The following ST6GAL2 variants were observed in gnomAD, a reference collection of about 807,000 sequenced individuals.
The protein encoded by ST6GAL2 is ST6 beta-galactoside alpha-2,6-sialyltransferase 2.
A neutral mutation model predicts 37.5 loss-of-function variants in ST6GAL2; 24 were observed. The ratio of observed to expected loss-of-function variants is 0.64; its 90% CI spans 0.46 to 0.90. The LOEUF is 0.90. ST6GAL2 is among the 40% of genes least tolerant of loss of function. The pLI, the probability that ST6GAL2 is intolerant of heterozygous loss-of-function variation, is 0.00. For synonymous variants in ST6GAL2, 306 were observed against 295.1 expected (o/e 1.04, Z -0.38); for missense variants, 715 against 712.7 (o/e 1.00, Z -0.04).
intron 1 of ST6GAL2, among the ~76,000 whole-genome samples, chr2:106,856,926 T>G (rs769359008): frequency 6.6e-6 from 1 of 152,200 alleles, no homozygotes; most frequent in African/African-American, 2.4e-5. Context: ...CACAGGAATC[T>G]GGGTCAATTT....
In ST6GAL2 at chr2:106,803,321, C is replaced by G. The variant is rs1456316835; in HGVS notation, c.*3357G>C. 6.6e-6 allele frequency: 1 copy of G among 152,112 alleles called. No individual in the cohort carries two copies. Among genetic ancestry groups the G allele is most frequent in the East Asian group, 1.9e-4 (1 of 5,178 alleles). The allele number at this position is 152,112 out of a possible 1,614,324, so 9.4% of individuals were successfully genotyped here. Reference sequence around the variant, plus strand: ...CTGCCTTCAGGCAGACAAGGAAAGACCTGGTCGTTCAAAGATGTATAAAAG... The same window carrying G: ...CTGCCTTCAGGCAGACAAGGAAAGAGCTGGTCGTTCAAAGATGTATAAAAG... On this transcript the variant is annotated 3_prime_UTR_variant, in exon 6 of 6. Coordinates refer to ENST00000409382, the MANE Select transcript of ST6GAL2 (RefSeq NM_001142351.2).
Position 106,830,030 on chromosome 2 carries a change from C to G in ST6GAL2, c.1318+36G>C, listed in dbSNP as rs764548460. On this transcript the variant is annotated intron_variant, in intron 5 of 5. Transcript: ENST00000409382. ...TAAATATTAGATATCATCCTGTCTGCCCCCCAATCATTCCAATTTTTAACA... is the reference window on the plus strand; with the variant it reads ...TAAATATTAGATATCATCCTGTCTGGCCCCCAATCATTCCAATTTTTAACA... 1.9e-6 allele frequency: 3 copies of G among 1,583,088 alleles called. No individual in the cohort carries two copies. The East Asian group carries it at 6.7e-5, about 35-fold the overall frequency.
chr2:106,810,040 A>G (rs1192708294), intron 5 of ST6GAL2, among the ~76,000 whole-genome samples: 1 of 152,176 alleles, frequency 6.6e-6, no homozygotes, highest in Middle Eastern at 3.2e-3. Flanking sequence ...CAGCTGATCT[A>G]GATTTGAACT....
At chr2:106,807,190 T>C (rs1434090667) in intron 5 of ST6GAL2, among the ~76,000 whole-genome samples, 1 of 152,152 alleles carries the variant, frequency 6.6e-6, no homozygotes, top group Non-Finnish European at 1.5e-5. Context: ...ATTTAATTTA[T>C]CACTGTGGGC....
intron 1 of ST6GAL2, among the ~76,000 whole-genome samples, chr2:106,864,320 C>T (rs1174293058): frequency 1.3e-5 from 2 of 152,218 alleles, no homozygotes; most frequent in African/African-American, 4.8e-5. Context: ...CCTTGGTCTT[C>T]TCCCCTGTTC....
intron 4 of ST6GAL2, among the ~76,000 whole-genome samples, chr2:106,830,876 T>C (rs12612362): frequency 0.15 from 22,366 of 152,126 alleles, 2,297 homozygotes; most frequent in East Asian, 0.49. Flanking sequence ...ATTGTGGTGG[T>C]AGATACATGA....
At chr2:106,874,487 G>T (rs947246635) in intron 1 of ST6GAL2, among the ~76,000 whole-genome samples, 1 of 152,108 alleles carries the variant, frequency 6.6e-6, no homozygotes, top group African/African-American at 2.4e-5. Flanking sequence ...AATGGACGAC[G>T]ACTGGGGAAT....
At chr2:106,865,545 A>C (rs12105012) in intron 1 of ST6GAL2, among the ~76,000 whole-genome samples, 9,052 of 152,296 alleles carry the variant, frequency 0.059, 859 homozygotes, top group African/African-American at 0.2. Flanking sequence ...TAACAGTAAC[A>C]GGTAGTAAGC....
At chr2:106,820,563 G>A (rs1323173461) in intron 5 of ST6GAL2, among the ~76,000 whole-genome samples, 1 of 151,954 alleles carries the variant, frequency 6.6e-6, no homozygotes, top group Non-Finnish European at 1.5e-5. Context: ...TTTCAGCATT[G>A]GACAGGTCAT....
At chr2:106,827,356 A>G (rs1407971871) in intron 5 of ST6GAL2, among the ~76,000 whole-genome samples, 1 of 152,158 alleles carries the variant, frequency 6.6e-6, no homozygotes, top group African/African-American at 2.4e-5. Context: ...GGCAAAGACT[A>G]CTGCAGTCTC....
intron 1 of ST6GAL2, among the ~76,000 whole-genome samples, chr2:106,855,164 A>C (rs1322170808): frequency 6.6e-6 from 1 of 152,220 alleles, no homozygotes; most frequent in Admixed American, 6.5e-5. Context: ...TAAATGCTTG[A>C]GTAACAAGCA....
At chr2:106,876,162 TC>T (rs1427537255) in intron 1 of ST6GAL2, among the ~76,000 whole-genome samples, 1 of 147,948 alleles carries the variant, frequency 6.8e-6, no homozygotes, top group Non-Finnish European at 1.5e-5. Flanking sequence ...GTGTTTTTTT[TC>T]ATATAAATAT....
rs1676468959 is a variant in ST6GAL2 at position 106,832,643 on chromosome 2, G to C, written c.1065C>G (p.His355Gln). The C allele has an allele frequency of 6.2e-7, 1 of 1,612,284 alleles. No homozygotes were observed. Among genetic ancestry groups the C allele is most frequent in the African/African-American group, 1.3e-5 (1 of 74,860 alleles). ...CTTTATACAGTGAACTGTCAATGAA[G>C]TGATGGCTGGGGTTGGTCAGAATCT... Reference protein sequence around the residue: ...NSQILTNPSHHFIDSSLYKDV... With the variant: ...NSQILTNPSHQFIDSSLYKDV... The change falls in exon 4 of 6, where the codon CAC becomes CAG. Residue 355 changes from histidine to glutamine, a missense_variant. This residue lies in a region of ST6GAL2 where 512 missense variants were observed against 488.8 expected (regional missense o/e 1.05). Transcript: ENST00000409382.
intron 1 of ST6GAL2, among the ~76,000 whole-genome samples, chr2:106,847,974 C>T (rs1677207994): frequency 6.6e-6 from 1 of 151,956 alleles, no homozygotes; most frequent in Admixed American, 6.6e-5. Flanking sequence ...TCCAGTGCCA[C>T]TCTTCTCCCT....
intron 1 of ST6GAL2, among the ~76,000 whole-genome samples, chr2:106,858,855 G>A (rs1677687021): frequency 6.6e-6 from 1 of 152,164 alleles, no homozygotes. Context: ...TGGAAGCACT[G>A]TGATGAATGT....
intron 5 of ST6GAL2, among the ~76,000 whole-genome samples, chr2:106,816,126 A>T (rs1675793168): frequency 6.6e-6 from 1 of 152,198 alleles, no homozygotes; most frequent in African/African-American, 2.4e-5. Context: ...ATTTAGTTAT[A>T]TTACTATTTT....
rs1676962875 is a variant in ST6GAL2, at chr2:106,843,063, G to T, written c.915C>A (p.Ile305=). The change falls in exon 2 of 6, where the codon ATC becomes ATA. Residue 305 remains isoleucine (I), a synonymous_variant. Coordinates refer to ENST00000409382, the MANE Select transcript of ST6GAL2 (RefSeq NM_001142351.2). Reference sequence around the variant, plus strand: ...TTTCCTCGCCCAAGGAAGAGTTGAGGATTGCGCCTGCAGACATGACGACAG... The same window carrying T: ...TTTCCTCGCCCAAGGAAGAGTTGAGTATTGCGCCTGCAGACATGACGACAG... ...SCAVVMSAGA[I]LNSSLGEEID... 2.0e-6 allele frequency: 3 copies of T among 1,476,048 alleles called. No homozygotes were observed. Among genetic ancestry groups the T allele is most frequent in the Admixed American group, 5.1e-5 (2 of 39,478 alleles). The allele number at this position is 1,476,048 out of a possible 1,614,324, so 91.4% of individuals were successfully genotyped here. A position where few individuals can be genotyped will look rare whatever the true frequency, so the allele number is the denominator to read the frequency against.
rs750511737 is a variant in ST6GAL2, at chr2:106,802,704, ACTATCAGAAAGAGTT to A, written c.*3959_*3973del. On this transcript the variant is annotated 3_prime_UTR_variant, in exon 6 of 6. Transcript: ENST00000409382. ...TGTAACCACTGGGTAAGAGTTCTAA[ACTATCAGAAAGAGTT>A]CTAAACTATCAGAATCAAAACAGAC... 2 of 149,064 alleles carry A rather than the reference ACTATCAGAAAGAGTT, an allele frequency of 1.3e-5. No individual in the cohort carries two copies. Among genetic ancestry groups the A allele is most frequent in the Non-Finnish European group, 3.0e-5 (2 of 65,942 alleles). 9.2% of individuals were successfully genotyped at this position (149,064 alleles called of 1,614,324 possible). A position where few individuals can be genotyped will look rare whatever the true frequency, so the allele number is the denominator to read the frequency against.
At chr2:106,821,086 A>T (rs1473553555) in intron 5 of ST6GAL2, among the ~76,000 whole-genome samples, 1 of 151,990 alleles carries the variant, frequency 6.6e-6, no homozygotes, top group East Asian at 1.9e-4. Context: ...TGTATCTTTA[A>T]AAAGCAGAAA....
Sources: gnomAD v4.1 joint callset for allele counts (sites outside exome capture counted in the v4.1 genomes callset) on GRCh38, gnomAD v4.1.1 for gene constraint, gnomAD v4.1.1 regional missense constraint, MANE v1.5 for transcripts, NCBI Gene and HGNC (gene_info 2026-07-23, HGNC 2026-07-21) for gene names.